CYTH3: variants seen among roughly 807,000 people sequenced by gnomAD.
The protein encoded by CYTH3 is cytohesin-3.
CYTH3 carries 23 observed loss-of-function variants against 55.1 expected under a neutral mutation model. That is an observed-to-expected ratio of 0.42 (90% CI 0.30 to 0.59). The LOEUF (loss-of-function observed/expected upper bound fraction) is 0.59, where lower values mean the gene tolerates loss of function less well. Ranked by LOEUF, CYTH3 falls within the 20% of genes least tolerant of loss-of-function variation. CYTH3 has a pLI of 0.20. For synonymous variants in CYTH3, 249 were observed against 194.9 expected (o/e 1.28, Z -2.31); for missense variants, 413 against 524.8 (o/e 0.79, Z 2.08).
At chr7:6,192,529 ATTTT>A (rs36036670) in intron 1 of CYTH3, among the ~76,000 whole-genome samples, 8 of 111,314 alleles carry the variant, frequency 7.2e-5, no homozygotes, top group South Asian at 6.0e-4. Context: ...CCACAAGTCA[ATTTT>A]TTTTTTTTTT....
chr7:6,163,096 C>T lies in CYTH3; in HGVS notation c.*1848G>A, dbSNP rs1039996096. 1 of 152,670 alleles carries T rather than the reference C, an allele frequency of 6.6e-6. No homozygotes were observed. The highest frequency in any genetic ancestry group is 1.5e-5 in the Non-Finnish European group (1 of 68,056). The allele number at this position is 152,670 out of a possible 1,614,324, so 9.5% of individuals were successfully genotyped here. On this transcript the variant is annotated 3_prime_UTR_variant, in exon 13 of 13. Coordinates refer to ENST00000350796, the MANE Select transcript of CYTH3 (RefSeq NM_004227.4). ...CGATTTGAGGTATCAGTAACAAAGCCTAAGAACGTGGGAATGAAAGTCTGA... is the reference window on the plus strand; with the variant it reads ...CGATTTGAGGTATCAGTAACAAAGCTTAAGAACGTGGGAATGAAAGTCTGA...
chr7:6,188,707 C>T (rs1286682973), intron 2 of CYTH3: 1 of 152,184 alleles, frequency 6.6e-6, no homozygotes, highest in Non-Finnish European at 1.5e-5. Flanking sequence ...AGACTGACCT[C>T]TGGAAGCCTC....
At chr7:6,242,502 G>A (rs1351702212) in intron 1 of CYTH3, among the ~76,000 whole-genome samples, 2 of 150,334 alleles carry the variant, frequency 1.3e-5, no homozygotes, top group Non-Finnish European at 2.9e-5. Flanking sequence ...TCAGCCTCCT[G>A]AGTAGCTGGG....
chr7:6,251,189 C>T (rs557335602), intron 1 of CYTH3, among the ~76,000 whole-genome samples: 7 of 152,066 alleles, frequency 4.6e-5, no homozygotes, highest in South Asian at 2.1e-4. Context: ...GCAGGAGAAT[C>T]GCGTGAATCC....
intron 6 of CYTH3, chr7:6,172,719 T>G: frequency 8.6e-7 from 1 of 1,159,420 alleles, no homozygotes. Context: ...CAGACACCCC[T>G]CCCAGACTCA....
chr7:6,256,962 A>G (rs958950066), intron 1 of CYTH3, among the ~76,000 whole-genome samples: 1 of 152,232 alleles, frequency 6.6e-6, no homozygotes, highest in South Asian at 2.1e-4. Flanking sequence ...TTCTTTTGTG[A>G]AAACTGAAAC....
intron 1 of CYTH3, among the ~76,000 whole-genome samples, chr7:6,193,736 C>T (rs907995120): frequency 6.6e-6 from 1 of 152,138 alleles, no homozygotes; most frequent in African/African-American, 2.4e-5. Context: ...CTCTTCTCTC[C>T]CACGCCACGG....
chr7:6,181,922 TCCC>T (rs1436926065), intron 4 of CYTH3, among the ~76,000 whole-genome samples: 1 of 152,198 alleles, frequency 6.6e-6, no homozygotes, highest in Non-Finnish European at 1.5e-5. Context: ...TTTTTCACAA[TCCC>T]CCATTTTTAT....
At chr7:6,173,170 G>C (rs1332887628) in intron 6 of CYTH3, 2 of 649,088 alleles carry the variant, frequency 3.1e-6, no homozygotes, top group Non-Finnish European at 3.9e-6. Flanking sequence ...TTGCAGAGCA[G>C]GAGGAAGACA....
intron 1 of CYTH3, among the ~76,000 whole-genome samples, chr7:6,194,877 A>T (rs1441556616): frequency 2.0e-5 from 3 of 152,196 alleles, no homozygotes; most frequent in African/African-American, 7.2e-5. Flanking sequence ...CGGGAGGCTG[A>T]GGCGGGAGAA....
chr7:6,236,320 C>T (rs1779521780), intron 1 of CYTH3, among the ~76,000 whole-genome samples: 1 of 151,004 alleles, frequency 6.6e-6, no homozygotes, highest in Non-Finnish European at 1.5e-5. Context: ...CCTCCCACCT[C>T]AGCCTCCTGA....
At chr7:6,204,933 G>A (rs553175976) in intron 1 of CYTH3, among the ~76,000 whole-genome samples, 1 of 152,232 alleles carries the variant, frequency 6.6e-6, no homozygotes, top group Non-Finnish European at 1.5e-5. Flanking sequence ...GGGAGGCTGA[G>A]GTGGGTGGAT....
rs1437539303 is a variant in CYTH3, at chr7:6,259,799, A to AT, written c.34+12674dup. Among the ~76,000 whole-genome samples the AT allele has an allele frequency of 1.1e-3, 28 of 24,966 alleles. 1 individual carries two copies. The highest frequency in any genetic ancestry group is 7.4e-3 in the South Asian group (6 of 808). The allele number at this position is 24,966 out of a possible 152,430, so 16.4% of individuals were successfully genotyped here. A position where few individuals can be genotyped will look rare whatever the true frequency, so the allele number is the denominator to read the frequency against. On this transcript the variant is annotated intron_variant, in intron 1 of 12. Transcript: ENST00000350796. ...ATATATATATAATATATATATATAT[A>AT]TATATATATATATAATATATATATA...
chr7:6,254,233 T>C (rs903588665), intron 1 of CYTH3, among the ~76,000 whole-genome samples: 1 of 151,010 alleles, frequency 6.6e-6, no homozygotes, highest in Non-Finnish European at 1.5e-5. Context: ...GATAACTAAA[T>C]AGAAGGTGTA....
intron 1 of CYTH3, among the ~76,000 whole-genome samples, chr7:6,191,591 CTTTT>C (rs1172231329): frequency 2.9e-5 from 3 of 105,056 alleles, no homozygotes; most frequent in South Asian, 6.4e-4. Context: ...TAGGGAAGGA[CTTTT>C]TTTTTTTTTT....
At chr7:6,250,451 C>T (rs968990108) in intron 1 of CYTH3, among the ~76,000 whole-genome samples, 2 of 152,268 alleles carry the variant, frequency 1.3e-5, no homozygotes, top group South Asian at 4.1e-4. Context: ...CTGACCACTC[C>T]CAACACTAAA....
intron 1 of CYTH3, among the ~76,000 whole-genome samples, chr7:6,268,762 G>A (rs77940243): frequency 1.3e-5 from 2 of 151,994 alleles, no homozygotes; most frequent in African/African-American, 2.4e-5. Context: ...TATCTATCAG[G>A]GTCCACCCAG....
chr7:6,265,159 G>A (rs1780455493), intron 1 of CYTH3, among the ~76,000 whole-genome samples: 1 of 152,006 alleles, frequency 6.6e-6, no homozygotes, highest in Non-Finnish European at 1.5e-5. Flanking sequence ...AACAGACAAT[G>A]TCAAAGAGAT....
chr7:6,168,780 C>T (rs73675862), intron 9 of CYTH3, among the ~76,000 whole-genome samples: 12 of 152,250 alleles, frequency 7.9e-5, no homozygotes, highest in South Asian at 2.1e-4. Context: ...CACACACTTA[C>T]GTCTCTAGAG....
Sources: gnomAD v4.1 joint callset for allele counts (sites outside exome capture counted in the v4.1 genomes callset) on GRCh38, gnomAD v4.1.1 for gene constraint, MANE v1.5 for transcripts, NCBI Gene and HGNC (gene_info 2026-07-23, HGNC 2026-07-21) for gene names.